The following ZBED4 variants were observed in gnomAD, a reference collection of about 807,000 sequenced individuals.
The protein encoded by ZBED4 is zinc finger BED domain-containing protein 4.
ZBED4 carries 4 observed loss-of-function variants against 15.5 expected under a neutral mutation model. The observed-to-expected ratio is 0.26, with a 90% CI of 0.13 to 0.59. The LOEUF (loss-of-function observed/expected upper bound fraction) is 0.59. ZBED4 is among the 20% of genes least tolerant of loss of function. ZBED4 has a pLI of 0.90. For missense variants in ZBED4, 1,323 were observed against 1,461.8 expected, an observed-to-expected ratio of 0.91 and a Z score of 1.55; for synonymous variants, 692 against 608.5, an observed-to-expected ratio of 1.14 and a Z score of -2.02.
intron 1 of ZBED4, among the ~76,000 whole-genome samples, chr22:49,863,543 C>T (rs750973951): frequency 2.0e-5 from 3 of 151,756 alleles, no homozygotes; most frequent in Non-Finnish European, 4.4e-5. Flanking sequence ...AGGAGAATTG[C>T]TTGAACCGGG....
At position 49,889,489 on chromosome 22, in the gene ZBED4, T is replaced by A. The variant is rs1459431568; in HGVS notation, c.*2311T>A. 6.0e-6 allele frequency: 1 copy of A among 167,148 alleles called. No individual in the cohort carries two copies. Among genetic ancestry groups the A allele is most frequent in the Non-Finnish European group, 1.5e-5 (1 of 68,140 alleles). The allele number at this position is 167,148 out of a possible 1,614,324, so 10.4% of individuals were successfully genotyped here. ...TTTTTTTGTTTGTTTTTTTAAGCTTTCAGCTTCATGCTGCTGTATTTTTAG... is the reference window on the plus strand; with the variant it reads ...TTTTTTTGTTTGTTTTTTTAAGCTTACAGCTTCATGCTGCTGTATTTTTAG... On this transcript the variant is annotated 3_prime_UTR_variant, in exon 2 of 2. Transcript: ENST00000216268.
chr22:49,861,057 T>C, intron 1 of ZBED4, among the ~76,000 whole-genome samples: 1 of 151,934 alleles, frequency 6.6e-6, no homozygotes, highest in East Asian at 1.9e-4. Flanking sequence ...ATAATGGGCA[T>C]GAGCCACCAT....
At chr22:49,860,423 G>A (rs1268718379) in intron 1 of ZBED4, among the ~76,000 whole-genome samples, 2 of 152,150 alleles carry the variant, frequency 1.3e-5, no homozygotes, top group African/African-American at 4.8e-5. Context: ...GTGCTAAAAT[G>A]TGCATACAGT....
Position 49,876,190 on chromosome 22 carries a change from T to C in ZBED4, c.-329-7144T>C, listed in dbSNP as rs2060375428. ...TTAAATGTATTGAGGTTTGCTTTAT[T>C]GTCCAGAGAAGAGTCTGTCTTGGTG... On this transcript the variant is annotated intron_variant, in intron 1 of 1. Coordinates refer to ENST00000216268, the MANE Select transcript of ZBED4 (RefSeq NM_014838.3). Among the ~76,000 whole-genome samples the C allele has an allele frequency of 3.3e-5, 5 of 152,270 alleles. No individual in the cohort carries two copies. In the South Asian group the frequency reaches 8.3e-4, roughly 25 times the overall value.
intron 1 of ZBED4, among the ~76,000 whole-genome samples, chr22:49,871,106 A>G (rs901954332): frequency 9.7e-6 from 1 of 103,566 alleles, no homozygotes; most frequent in Non-Finnish European, 2.0e-5. Context: ...ATGCCTGGCT[A>G]ATATATTTTT....
At position 49,885,286 on chromosome 22, in the gene ZBED4, C is replaced by A; in HGVS notation, c.1624C>A (p.Pro542Thr). 6.3e-7 allele frequency: 1 copy of A among 1,594,828 alleles called. No homozygotes were observed. The highest frequency in any genetic ancestry group is 1.1e-5 in the South Asian group (1 of 89,526). The part of the protein sequence containing the change: ...ESSSSKLTDL[P>T]TVVTKNNQVM... ...TTCCTCTTCCAAATTGACTGACTTG[C>A]CAACAGTGGTCACAAAAAACAATCA... is the stretch of plus-strand genomic sequence containing the variant. The change falls in exon 2 of 2, where the codon CCA becomes ACA. Residue 542 changes from proline to threonine, a missense_variant. By Grantham distance (38) the Pro-to-Thr change is conservative (BLOSUM62 -1). Around this residue, in one of 6 missense-constraint regions of ZBED4, gnomAD observed 429 missense variants for 397.9 expected, o/e 1.08. Transcript: ENST00000216268.
At chr22:49,882,145 G>A (rs2147542398) in intron 1 of ZBED4, among the ~76,000 whole-genome samples, 1 of 152,276 alleles carries the variant, frequency 6.6e-6, no homozygotes, top group South Asian at 2.1e-4. Context: ...CCTCCCTGTG[G>A]GGGTGACCCA....
chr22:49,859,304 G>C (rs2060287471), intron 1 of ZBED4, among the ~76,000 whole-genome samples: 1 of 151,800 alleles, frequency 6.6e-6, no homozygotes, highest in Admixed American at 6.6e-5. Context: ...CTTTTCCTTT[G>C]TCTTCCTTGA....
intron 1 of ZBED4, among the ~76,000 whole-genome samples, chr22:49,881,921 T>C (rs1420952963): frequency 6.6e-6 from 1 of 152,250 alleles, no homozygotes; most frequent in East Asian, 1.9e-4. Flanking sequence ...CATTTATTTC[T>C]GGTGGGAGCT....
At chr22:49,864,225 C>T (rs760113634) in intron 1 of ZBED4, among the ~76,000 whole-genome samples, 2 of 152,198 alleles carry the variant, frequency 1.3e-5, no homozygotes, top group African/African-American at 4.8e-5. Flanking sequence ...TCCTCTTTTT[C>T]CACTGAGAGT....
chr22:49,868,515 G>A (rs2060331729), intron 1 of ZBED4, among the ~76,000 whole-genome samples: 1 of 152,112 alleles, frequency 6.6e-6, no homozygotes, highest in Non-Finnish European at 1.5e-5. Flanking sequence ...TGAGGCGGAG[G>A]TTGCAGTGAG....
At chr22:49,879,451 A>G (rs1019688140) in intron 1 of ZBED4, among the ~76,000 whole-genome samples, 1 of 151,738 alleles carries the variant, frequency 6.6e-6, no homozygotes, top group Admixed American at 6.6e-5. Flanking sequence ...TTTTGCAGAG[A>G]CGATGTTTTG....
Position 49,886,437 on chromosome 22 carries a change from C to G in ZBED4, c.2775C>G (p.Asp925Glu), listed in dbSNP as rs772533881. ...ECNFRELISC[D>E]QWEVMQSVCR... is the part of the protein sequence containing the mutation. The stretch of plus-strand genomic sequence containing the variant: ...ACTTCCGAGAGCTGATCAGCTGCGA[C>G]CAGTGGGAGGTCATGCAGTCCGTGT... The change falls in exon 2 of 2, where the codon GAC (aspartate) becomes GAG (glutamate). Residue 925 changes from aspartate (D) to glutamate (E), a missense_variant. Physicochemically the swap from Asp to Glu is conservative, Grantham distance 45. Coordinates refer to ENST00000216268, the MANE Select transcript of ZBED4 (RefSeq NM_014838.3). This position sits in a 1 kb window ranked among gnomAD's most constrained non-coding sequence, Gnocchi z 7.7. 6.3e-7 allele frequency: 1 copy of G among 1,583,396 alleles called. No individual in the cohort carries two copies. Among genetic ancestry groups the G allele is most frequent in the Non-Finnish European group, 8.6e-7 (1 of 1,161,202 alleles).
At chr22:49,854,636 C>T (rs1225463762) in intron 1 of ZBED4, among the ~76,000 whole-genome samples, 1 of 152,214 alleles carries the variant, frequency 6.6e-6, no homozygotes, top group African/African-American at 2.4e-5. Context: ...TCTTTTGTCC[C>T]GTTGTGTGGC....
rs1217779974 is a variant in ZBED4, at chr22:49,864,823, A to AAAC, written c.-330+10836_-330+10837insCAA. The stretch of plus-strand genomic sequence containing the variant: ...CGCCAGAGTGAGACCCTGTCTCCAA[A>AAAC]AAAAAAAAAAAAAAAAGCCCTGATT... On this transcript the variant is annotated intron_variant, in intron 1 of 1. Coordinates refer to ENST00000216268, the MANE Select transcript of ZBED4 (RefSeq NM_014838.3). Among the ~76,000 whole-genome samples the AAAC allele has an allele frequency of 2.8e-5, 4 of 144,326 alleles. No individual in the cohort carries two copies. The East Asian group carries it at 7.8e-4, about 28-fold the overall frequency. The allele number at this position is 144,326 out of a possible 152,430, so 94.7% of individuals were successfully genotyped here. A position where few individuals can be genotyped will look rare whatever the true frequency, so the allele number is the denominator to read the frequency against.
chr22:49,869,692 T>C (rs982136653), intron 1 of ZBED4, among the ~76,000 whole-genome samples: 2 of 152,170 alleles, frequency 1.3e-5, no homozygotes, highest in Non-Finnish European at 2.9e-5. Flanking sequence ...TACGTAAAAG[T>C]GGAAAGGGTA....
rs2060367525 is a variant in ZBED4 at position 49,874,717 on chromosome 22, G to C, written c.-329-8617G>C. Among the ~76,000 whole-genome samples, 3 of 102,606 alleles carry C rather than the reference G, an allele frequency of 2.9e-5. No individual in the cohort carries two copies. The South Asian group carries it at 1.1e-3, about 36-fold the overall frequency. 67.3% of individuals were successfully genotyped at this position (102,606 alleles called of 152,430 possible). On this transcript the variant is annotated intron_variant, in intron 1 of 1. Coordinates refer to ENST00000216268, the MANE Select transcript of ZBED4 (RefSeq NM_014838.3). ...TTTTTTTGAGACGGAGTCTCACTCT[G>C]TCGCCAGGCTGGAGGGCAATGGCTC...
intron 1 of ZBED4, among the ~76,000 whole-genome samples, chr22:49,874,509 C>G (rs1363921044): frequency 6.6e-6 from 1 of 151,198 alleles, no homozygotes; most frequent in African/African-American, 2.4e-5. Context: ...CCTCAGCGTC[C>G]CAAGTAGCTG....
intron 1 of ZBED4, among the ~76,000 whole-genome samples, chr22:49,882,322 C>T (rs1051720109): frequency 5.9e-5 from 9 of 152,132 alleles, no homozygotes; most frequent in African/African-American, 1.7e-4. Flanking sequence ...GAGGCTGAGT[C>T]GGGAGGAGGG....
Sources: allele counts gnomAD v4.1 joint callset (sites outside exome capture counted in the v4.1 genomes callset), GRCh38; gene constraint gnomAD v4.1.1; regional missense constraint gnomAD v4.1.1; non-coding constraint Gnocchi (gnomAD v3.1); transcripts MANE v1.5; gene names NCBI Gene and HGNC (gene_info 2026-07-23, HGNC 2026-07-21).